RCHY1: variants seen among roughly 807,000 people sequenced by gnomAD.
RCHY1 encodes RING finger and CHY zinc finger domain-containing protein 1.
RCHY1 carries 21 observed loss-of-function variants against 41.6 expected under a neutral mutation model. The ratio of observed to expected loss-of-function variants is 0.51; its 90% CI spans 0.36 to 0.73. The LOEUF is 0.73. Ranked by LOEUF, RCHY1 falls within the 30% of genes least tolerant of loss-of-function variation. RCHY1 has a pLI of 0.00. For synonymous variants in RCHY1, 79 were observed against 102.9 expected, an observed-to-expected ratio of 0.77 and a Z score of 1.41; for missense variants, 265 against 325.3, an observed-to-expected ratio of 0.81 and a Z score of 1.43.
upstream of RCHY1, chr4:75,514,529 T>C (rs1043498064): frequency 7.0e-6 from 3 of 425,904 alleles, no homozygotes; most frequent in Non-Finnish European, 1.3e-5. Context: ...CGGTAATAAC[T>C]CTTAGGTTGC....
At position 75,479,217 on chromosome 4, in the gene RCHY1, C is replaced by G. The variant is rs1169446143; in HGVS notation, c.*3321G>C. ...ATCATTCTACACTGTAAACATATAT[C>G]AAAACATCACATTGTACTCCATATA... On this transcript the variant is annotated 3_prime_UTR_variant, in exon 9 of 9. Transcript: ENST00000324439. 6.6e-6 allele frequency: 1 copy of G among 151,898 alleles called. No individual in the cohort carries two copies. The highest frequency in any genetic ancestry group is 1.5e-5 in the Non-Finnish European group (1 of 67,954). The allele number at this position is 151,898 out of a possible 1,614,324, so 9.4% of individuals were successfully genotyped here. A position where few individuals can be genotyped will look rare whatever the true frequency, so the allele number is the denominator to read the frequency against.
At chr4:75,509,372 T>G (rs1724658816) in intron 1 of RCHY1, 76 bp from the exon 2 acceptor site, 3 of 1,373,442 alleles carry the variant, frequency 2.2e-6, no homozygotes, top group Non-Finnish European at 3.0e-6. Flanking sequence ...AGAAAATTTC[T>G]TCCTCCTCCT....
chr4:75,513,700 A>G (rs907713992), intron 1 of RCHY1, among the ~76,000 whole-genome samples: 1 of 152,222 alleles, frequency 6.6e-6, no homozygotes, highest in African/African-American at 2.4e-5. Context: ...TGGCAATTAC[A>G]TGATTGTCTT....
At chr4:75,502,975 T>C (rs1242217907) in intron 3 of RCHY1, among the ~76,000 whole-genome samples, 2 of 138,026 alleles carry the variant, frequency 1.4e-5, no homozygotes, top group African/African-American at 5.4e-5. Flanking sequence ...TTTTCACAAA[T>C]AGAAAAAAAA....
At chr4:75,498,440 T>C (rs935281201) in intron 3 of RCHY1, among the ~76,000 whole-genome samples, 7 of 130,208 alleles carry the variant, frequency 5.4e-5, no homozygotes, top group African/African-American at 2.1e-4. Context: ...AAAATTTATA[T>C]GGAGCCACAA....
intron 3 of RCHY1, among the ~76,000 whole-genome samples, chr4:75,503,986 G>T (rs1382706437): frequency 1.3e-5 from 2 of 152,190 alleles, no homozygotes; most frequent in African/African-American, 4.8e-5. Context: ...ATGCAATTAT[G>T]AAGAAAGGTC....
At chr4:75,509,081 T>G (rs2148774659) in intron 2 of RCHY1, 96 bp downstream of exon 2, 2 of 1,308,012 alleles carry the variant, frequency 1.5e-6, no homozygotes, top group South Asian at 2.9e-5. Context: ...ATTCTAGAAG[T>G]TAAAGAAATC....
chr4:75,492,572 G>C (rs1018041648), intron 4 of RCHY1, among the ~76,000 whole-genome samples: 1 of 151,918 alleles, frequency 6.6e-6, no homozygotes, highest in African/African-American at 2.4e-5. Flanking sequence ...TGTAATGTCT[G>C]ATTAAATCCA....
At chr4:75,500,624 C>T (rs1198879606) in intron 3 of RCHY1, among the ~76,000 whole-genome samples, 1 of 152,084 alleles carries the variant, frequency 6.6e-6, no homozygotes, top group Non-Finnish European at 1.5e-5. Flanking sequence ...TAAGGATGAA[C>T]AGCAATTTTT....
At chr4:75,507,696 G>C (rs1454851208) in intron 3 of RCHY1, among the ~76,000 whole-genome samples, 1 of 152,018 alleles carries the variant, frequency 6.6e-6, no homozygotes, top group African/African-American at 2.4e-5. Context: ...AGATACAGTA[G>C]AGCCTAGGGC....
At chr4:75,500,053 A>C (rs1723604475) in intron 3 of RCHY1, among the ~76,000 whole-genome samples, 1 of 152,168 alleles carries the variant, frequency 6.6e-6, no homozygotes, top group African/African-American at 2.4e-5. Context: ...AGGTGGGAGG[A>C]TCACATAAAC....
At position 75,495,820 on chromosome 4, in the gene RCHY1, T is replaced by C. The variant is rs570128101; in HGVS notation, c.327-1641A>G. On this transcript the variant is annotated intron_variant, in intron 3 of 8. Coordinates refer to ENST00000324439, the MANE Select transcript of RCHY1 (RefSeq NM_015436.4). Reference sequence around the variant, plus strand: ...CAATTTTTGGTTTCCGAATGGATAATCAATTATCTTAATACTACCCTTTCC... The same window carrying C: ...CAATTTTTGGTTTCCGAATGGATAACCAATTATCTTAATACTACCCTTTCC... 5.9e-5 allele frequency among the ~76,000 whole-genome samples: 9 copies of C among 152,166 alleles called. No individual in the cohort carries two copies. In the East Asian group the frequency reaches 1.7e-3, roughly 29 times the overall value.
intron 8 of RCHY1, among the ~76,000 whole-genome samples, chr4:75,489,061 G>C (rs974421127): frequency 1.3e-5 from 2 of 151,146 alleles, no homozygotes; most frequent in African/African-American, 4.9e-5. Flanking sequence ...CACAACAAGA[G>C]CAAGACTCTG....
chr4:75,485,438 T>G (rs1055227869), intron 8 of RCHY1, among the ~76,000 whole-genome samples: 1 of 152,222 alleles, frequency 6.6e-6, no homozygotes. Context: ...TTTACATTTG[T>G]AAAGGTGTCT....
intron 4 of RCHY1, 73 bp from the exon 5 acceptor site, chr4:75,492,006 T>A (rs1447243336): frequency 7.5e-6 from 9 of 1,193,904 alleles, no homozygotes; most frequent in Admixed American, 2.7e-5. Context: ...ATATTAATAA[T>A]AAAAATTAAC....
At chr4:75,514,134 C>A (rs753720281) in intron 1 of RCHY1, 63 bp downstream of exon 1, 5 of 1,570,478 alleles carry the variant, frequency 3.2e-6, no homozygotes, top group South Asian at 1.1e-5. Context: ...TAACCACCTG[C>A]CCAGCCCGCC....
intron 3 of RCHY1, among the ~76,000 whole-genome samples, chr4:75,507,723 GA>G (rs1431172270): frequency 1.3e-5 from 2 of 151,982 alleles, no homozygotes; most frequent in Non-Finnish European, 2.9e-5. Flanking sequence ...CATTACTAAA[GA>G]TAAAAAGACA....
chr4:75,509,876 C>T (rs57838127), intron 1 of RCHY1: 5,432 of 157,804 alleles, frequency 0.034, 318 homozygotes, highest in African/African-American at 0.12. Flanking sequence ...TCCAATTAAA[C>T]CTCTTTTTCT....
intron 8 of RCHY1, among the ~76,000 whole-genome samples, chr4:75,487,665 T>C (rs1722263743): frequency 1.4e-5 from 1 of 73,210 alleles, no homozygotes; most frequent in African/African-American, 6.6e-5. Context: ...AATATATATA[T>C]TCATATATAT....
Sources: allele counts gnomAD v4.1 joint callset (sites outside exome capture counted in the v4.1 genomes callset), GRCh38; gene constraint gnomAD v4.1.1; transcripts MANE v1.5; gene names NCBI Gene and HGNC (gene_info 2026-07-23, HGNC 2026-07-21).